Variants in TMCO4 observed in about 807,000 individuals in gnomAD.
TMCO4 encodes the protein transmembrane and coiled-coil domain-containing protein 4.
Under a neutral mutation model 64.7 loss-of-function variants are expected in TMCO4, and 58 were observed. The ratio of observed to expected loss-of-function variants is 0.90; its 90% confidence interval spans 0.73 to 1.12. The LOEUF (loss-of-function observed/expected upper bound fraction) is 1.12, where lower values mean the gene tolerates loss of function less well. TMCO4 is among the 50% of genes most tolerant of loss of function. The probability of loss-of-function intolerance (pLI) is 0.00; values close to 1 mark genes in which losing one functional copy is unlikely to be tolerated. For synonymous variants in TMCO4, 325 were observed against 346.1 expected, an observed-to-expected ratio of 0.94 and a Z score of 0.68; for missense variants, 780 against 825.9, an observed-to-expected ratio of 0.94 and a Z score of 0.68.
At chr1:19,797,097 A>G (rs1464452766) in intron 2 of TMCO4, among the ~76,000 whole-genome samples, 5 of 152,170 alleles carry the variant, frequency 3.3e-5, no homozygotes, top group African/African-American at 1.2e-4. Context: ...TTGAAGGACA[A>G]TATCATTTTA....
chr1:19,723,301 T>C (rs894459618), intron 13 of TMCO4, among the ~76,000 whole-genome samples: 71 of 152,348 alleles, frequency 4.7e-4, no homozygotes, highest in Middle Eastern at 3.4e-3. Context: ...GGATTTGGGA[T>C]GCCCAACTTG....
chr1:19,796,635 C>T (rs1048344278), intron 2 of TMCO4, among the ~76,000 whole-genome samples: 8 of 152,042 alleles, frequency 5.3e-5, no homozygotes, highest in Non-Finnish European at 1.0e-4. Flanking sequence ...AGTGCAGTAG[C>T]TCGATCTCGG....
chr1:19,714,465 G>T lies in TMCO4; in HGVS notation c.1265-13580C>A, dbSNP rs148802531. Reference sequence around the variant, plus strand: ...GGGGAGGGCTTCTTCAGACCATTCTGCTGGGCACTAACGGTCTAATTCTGA... The same window carrying T: ...GGGGAGGGCTTCTTCAGACCATTCTTCTGGGCACTAACGGTCTAATTCTGA... On this transcript the variant is annotated intron_variant, in intron 13 of 15. Transcript: ENST00000294543. Among the ~76,000 whole-genome samples, 9 of 152,172 alleles carry T rather than the reference G, an allele frequency of 5.9e-5. No individual in the cohort carries two copies. The East Asian group carries it at 1.7e-3, about 29-fold the overall frequency.
chr1:19,764,842 CAAAAA>C (rs33963523), intron 6 of TMCO4, among the ~76,000 whole-genome samples: 4 of 70,418 alleles, frequency 5.7e-5, no homozygotes, highest in Non-Finnish European at 7.7e-5. Flanking sequence ...AACTCTGTCT[CAAAAA>C]AAAAAAAAAA....
Position 19,700,817 on chromosome 1 carries a change from C to T in TMCO4, c.1333G>A (p.Glu445Lys). The change falls in exon 14 of 16, where the codon GAG (glutamate) becomes AAG (lysine). Residue 445 changes from glutamate to lysine, a missense_variant. By Grantham distance (56) the Glu-to-Lys change is moderately conservative. Coordinates refer to ENST00000294543, the MANE Select transcript of TMCO4 (RefSeq NM_181719.7). ...APVEGEAKHW[E>K]PFRKVVSGRI... ...CCGGACACCACCTTCCGGAAAGGCT[C>T]CCAATGCTTGGCTTCTCCCTCCACA... is the stretch of plus-strand genomic sequence containing the variant. 3 of 1,614,242 alleles carry T rather than the reference C, an allele frequency of 1.9e-6. No homozygotes were observed. Among genetic ancestry groups the T allele is most frequent in the Admixed American group, 1.7e-5 (1 of 60,034 alleles).
At chr1:19,746,360 G>T (rs2041780770) in intron 9 of TMCO4, 96 bp downstream of exon 9, 4 of 1,533,590 alleles carry the variant, frequency 2.6e-6, no homozygotes, top group Non-Finnish European at 2.7e-6. Context: ...GTCTCCCAGG[G>T]AGTCACTGCT....
intron 13 of TMCO4, among the ~76,000 whole-genome samples, chr1:19,709,288 G>GC (rs925767135): frequency 7.0e-5 from 4 of 57,084 alleles, no homozygotes; most frequent in East Asian, 6.2e-4. Flanking sequence ...CATCCCGGCG[G>GC]GGGGGGGGGA....
At chr1:19,691,103 C>T (rs4912017) in intron 15 of TMCO4, among the ~76,000 whole-genome samples, 96,377 of 151,934 alleles carry the variant, frequency 0.63, 30,900 homozygotes, top group Non-Finnish European at 0.66. Context: ...CTCCTGACCT[C>T]GTGATCTGCC....
chr1:19,780,553 T>C, intron 4 of TMCO4, 27 bp downstream of exon 4: 1 of 1,562,392 alleles, frequency 6.4e-7, no homozygotes, highest in Middle Eastern at 1.7e-4. Context: ...AAGCATGACC[T>C]TCCCACTGCA....
intron 1 of TMCO4, among the ~76,000 whole-genome samples, chr1:19,799,514 C>A (rs1489012971): frequency 3.9e-5 from 6 of 152,228 alleles, no homozygotes; most frequent in Non-Finnish European, 1.5e-5. Flanking sequence ...GTCAAGGGAG[C>A]GGCTGGGTGA....
chr1:19,787,519 GGAATGAAC>G (rs1191179616), intron 2 of TMCO4, among the ~76,000 whole-genome samples: 1 of 152,170 alleles, frequency 6.6e-6, no homozygotes, highest in Non-Finnish European at 1.5e-5. Flanking sequence ...CATGAACCGA[GGAATGAAC>G]TAGCTTTCAG....
chr1:19,769,906 G>A (rs1025116781), intron 6 of TMCO4, among the ~76,000 whole-genome samples: 29 of 118,912 alleles, frequency 2.4e-4, no homozygotes, highest in Non-Finnish European at 4.3e-4. Flanking sequence ...CAAAGCATAC[G>A]TGCCCTGGGG....
chr1:19,705,603 TC>T (rs746601759), intron 13 of TMCO4, among the ~76,000 whole-genome samples: 22 of 151,624 alleles, frequency 1.5e-4, no homozygotes, highest in Non-Finnish European at 2.5e-4. Context: ...TTCAAAGCCA[TC>T]CTGGGTGGCA....
chr1:19,738,954 G>C (rs1246502908), intron 12 of TMCO4, among the ~76,000 whole-genome samples: 1 of 152,158 alleles, frequency 6.6e-6, no homozygotes, highest in Non-Finnish European at 1.5e-5. Flanking sequence ...CCTTTCTCCT[G>C]CTCCCTGGAG....
intron 3 of TMCO4, among the ~76,000 whole-genome samples, chr1:19,785,024 A>G (rs528917334): frequency 9.9e-5 from 15 of 152,248 alleles, no homozygotes; most frequent in Non-Finnish European, 2.9e-5. Context: ...ACTGAACTCC[A>G]TCTCATGTCC....
intron 13 of TMCO4, among the ~76,000 whole-genome samples, chr1:19,721,814 A>C (rs772130851): frequency 1.6e-4 from 25 of 151,964 alleles, no homozygotes; most frequent in South Asian, 8.3e-4. Flanking sequence ...AAACAAAACA[A>C]AACACAACAC....
Position 19,717,613 on chromosome 1 carries a change from A to G in TMCO4, c.1265-16728T>C, listed in dbSNP as rs190409229. On this transcript the variant is annotated intron_variant, in intron 13 of 15. Coordinates refer to ENST00000294543, the MANE Select transcript of TMCO4 (RefSeq NM_181719.7). ...GCTGCAGTCACTGGCCCTTCCCAGC[A>G]CATGCACCTTCCTGCCTCTGGACTT... 1.4e-3 allele frequency among the ~76,000 whole-genome samples: 209 copies of G among 152,280 alleles called. 1 individual carries two copies. The highest frequency in any genetic ancestry group is 4.7e-3 in the African/African-American group (197 of 41,548).
chr1:19,722,834 C>G lies in TMCO4; in HGVS notation c.1264+14538G>C, dbSNP rs540817844. 5.3e-5 allele frequency among the ~76,000 whole-genome samples: 8 copies of G among 152,228 alleles called. No homozygotes were observed. The South Asian group carries it at 8.3e-4, about 16-fold the overall frequency. ...GGGGCAAGGGGGCTGGGGGGTGCAT[C>G]CAGTGTCAGCGGCAGGAACACTGTG... On this transcript the variant is annotated intron_variant, in intron 13 of 15. Coordinates refer to ENST00000294543, the MANE Select transcript of TMCO4 (RefSeq NM_181719.7).
chr1:19,743,640 G>A lies in TMCO4; in HGVS notation c.877+1892C>T, dbSNP rs13374083. Among the ~76,000 whole-genome samples, 1,511 of 152,238 alleles carry A rather than the reference G, an allele frequency of 9.9e-3. 15 individuals are homozygous for A. The highest frequency in any genetic ancestry group is 0.033 in the African/African-American group (1,351 of 41,490). On this transcript the variant is annotated intron_variant, in intron 10 of 15. Transcript: ENST00000294543. The surrounding 1 kb of genome is among the most constrained non-coding windows in gnomAD (Gnocchi z 4.1). ...GAACAAATAGGGGCAAACTGAACAA[G>A]TGGGGGCAAAATGAAGAAAGGAGTT...
Sources: allele counts gnomAD v4.1 joint callset (sites outside exome capture counted in the v4.1 genomes callset), GRCh38; gene constraint gnomAD v4.1.1; non-coding constraint Gnocchi (gnomAD v3.1); transcripts MANE v1.5; gene names NCBI Gene and HGNC (gene_info 2026-07-23, HGNC 2026-07-21).